The following GRM7 variants were observed in gnomAD, a reference collection of about 807,000 sequenced individuals.
The protein encoded by GRM7 is glutamate metabotropic receptor 7.
In GRM7, 35 loss-of-function variants were observed where a neutral mutation model predicts 84.5. The observed-to-expected ratio is 0.41, with a 90% confidence interval of 0.32 to 0.55. GRM7 has a LOEUF of 0.55. Ranked by LOEUF, GRM7 falls within the 20% of genes least tolerant of loss-of-function variation. The pLI, the probability that GRM7 is intolerant of heterozygous loss-of-function variation, is 0.19. For synonymous variants in GRM7, 487 were observed against 455.1 expected (o/e 1.07, Z -0.89); for missense variants, 1,003 against 1,194.6 (o/e 0.84, Z 2.36).
intron 2 of GRM7, among the ~76,000 whole-genome samples, chr3:7,235,149 T>C (rs1409186737): frequency 1.3e-5 from 2 of 152,238 alleles, no homozygotes; most frequent in Non-Finnish European, 2.9e-5. Context: ...GTTACCTTAC[T>C]AGTTACTACC....
intron 4 of GRM7, among the ~76,000 whole-genome samples, chr3:7,382,873 C>T (rs1192020217): frequency 6.6e-6 from 1 of 152,192 alleles, no homozygotes; most frequent in Non-Finnish European, 1.5e-5. Context: ...AGGCTCTGGA[C>T]TTTGGAACAG....
chr3:6,902,800 A>G (rs1372298995), intron 1 of GRM7, among the ~76,000 whole-genome samples: 2 of 151,722 alleles, frequency 1.3e-5, no homozygotes, highest in African/African-American at 2.4e-5. Context: ...GTAGTAAGGT[A>G]TAGTATGTAC....
At chr3:7,419,162 G>T (rs1279080813) in intron 5 of GRM7, among the ~76,000 whole-genome samples, 1 of 152,100 alleles carries the variant, frequency 6.6e-6, no homozygotes, top group Non-Finnish European at 1.5e-5. Context: ...GTATAGACAA[G>T]AATTTTTACT....
intron 1 of GRM7, among the ~76,000 whole-genome samples, chr3:6,975,640 G>C (rs1156875880): frequency 6.6e-6 from 1 of 152,026 alleles, no homozygotes; most frequent in Non-Finnish European, 1.5e-5. Context: ...TTTTATATGT[G>C]CTTACGATGC....
intron 2 of GRM7, among the ~76,000 whole-genome samples, chr3:7,249,158 A>G (rs1039264652): frequency 1.3e-5 from 2 of 152,100 alleles, no homozygotes; most frequent in Admixed American, 1.3e-4. Flanking sequence ...TAAAACTTCC[A>G]TGGTTTTCTT....
Position 7,569,783 on chromosome 3 carries a change from G to A in GRM7, c.1516-8639G>A, listed in dbSNP as rs151029660. Among the ~76,000 whole-genome samples, 319 of 152,156 alleles carry A rather than the reference G, an allele frequency of 2.1e-3. 1 individual carries two copies. The highest frequency in any genetic ancestry group is 7.5e-3 in the African/African-American group (311 of 41,504). On this transcript the variant is annotated intron_variant, in intron 7 of 9. Transcript: ENST00000357716. ...AAGAGCTGTAACACTCACCGCGAAG[G>A]TCCGCAGCTTCACTCCTGAGCCCGT...
rs767457659 is a variant in GRM7, at chr3:7,461,557, T to C, written c.1376-26T>C. 3.8e-5 allele frequency: 61 copies of C among 1,593,998 alleles called. No homozygotes were observed. The Admixed American group carries it at 1.0e-3, about 27-fold the overall frequency. ...TAAGGAATCTTGTTTAACTTTAGAA[T>C]CTTTCATTTTTTCTGTCTTCCTTAG... is the stretch of plus-strand genomic sequence containing the variant. On this transcript the variant is annotated intron_variant, in intron 6 of 9. Coordinates refer to ENST00000357716, the MANE Select transcript of GRM7 (RefSeq NM_000844.4).
At chr3:7,726,346 C>T (rs1235519834) in intron 9 of GRM7, among the ~76,000 whole-genome samples, 1 of 151,774 alleles carries the variant, frequency 6.6e-6, no homozygotes, top group Non-Finnish European at 1.5e-5. Flanking sequence ...TGTCATCTAC[C>T]TATATCTTGT....
At chr3:6,967,902 G>A (rs982610659) in intron 1 of GRM7, among the ~76,000 whole-genome samples, 2 of 152,138 alleles carry the variant, frequency 1.3e-5, no homozygotes, top group Non-Finnish European at 2.9e-5. Flanking sequence ...GAGAGGAGGA[G>A]GGCAAGGAGA....
At chr3:7,677,275 A>AAAC (rs1700169115) in intron 8 of GRM7, among the ~76,000 whole-genome samples, 1 of 101,378 alleles carries the variant, frequency 9.9e-6, no homozygotes, top group African/African-American at 6.7e-5. Context: ...AAAAAAAAAA[A>AAAC]AAAAAAAAAA....
chr3:7,023,162 T>C (rs1047360803), intron 1 of GRM7, among the ~76,000 whole-genome samples: 5 of 152,138 alleles, frequency 3.3e-5, no homozygotes, highest in African/African-American at 1.2e-4. Context: ...CTCAGAAAAA[T>C]AAATGAAAAG....
intron 1 of GRM7, among the ~76,000 whole-genome samples, chr3:6,900,000 A>G (rs1696327996): frequency 6.6e-6 from 1 of 152,198 alleles, no homozygotes; most frequent in Non-Finnish European, 1.5e-5. Context: ...GAAAAAGGCA[A>G]AACAAAATAA....
At chr3:7,345,205 C>T (rs1456939453) in intron 4 of GRM7, among the ~76,000 whole-genome samples, 1 of 151,838 alleles carries the variant, frequency 6.6e-6, no homozygotes, top group East Asian at 1.9e-4. Context: ...TCTGAACTCA[C>T]ATTATATGGG....
chr3:6,897,673 T>C (rs1676924629), intron 1 of GRM7, among the ~76,000 whole-genome samples: 1 of 152,190 alleles, frequency 6.6e-6, no homozygotes, highest in African/African-American at 2.4e-5. Context: ...TGAAGACACA[T>C]TTCACATAAA....
At chr3:6,879,415 T>C (rs1420833782) in intron 1 of GRM7, among the ~76,000 whole-genome samples, 2 of 152,198 alleles carry the variant, frequency 1.3e-5, no homozygotes, top group Non-Finnish European at 2.9e-5. Context: ...ACATTTGAAA[T>C]TTATTCTCTT....
At chr3:7,422,888 A>G (rs2124831269) in intron 5 of GRM7, among the ~76,000 whole-genome samples, 1 of 152,298 alleles carries the variant, frequency 6.6e-6, no homozygotes, top group African/African-American at 2.4e-5. Flanking sequence ...TGATATATTA[A>G]TATGTTAGAA....
At chr3:7,029,740 C>G (rs866901419) in intron 1 of GRM7, among the ~76,000 whole-genome samples, 7 of 152,236 alleles carry the variant, frequency 4.6e-5, no homozygotes, top group South Asian at 4.1e-4. Context: ...TTAATGAGCA[C>G]AGCATTTCAG....
At chr3:7,300,947 G>A (rs189431827) in intron 3 of GRM7, among the ~76,000 whole-genome samples, 21 of 152,226 alleles carry the variant, frequency 1.4e-4, no homozygotes, top group African/African-American at 3.9e-4. Flanking sequence ...AATAAATGGC[G>A]TTGAACAAGT....
At chr3:7,450,850 G>T (rs190746029) in intron 5 of GRM7, among the ~76,000 whole-genome samples, 1 of 152,166 alleles carries the variant, frequency 6.6e-6, no homozygotes, top group East Asian at 1.9e-4. Flanking sequence ...TATTAATGGT[G>T]CTCTGAAATG....
Sources: gnomAD v4.1 joint callset for allele counts (sites outside exome capture counted in the v4.1 genomes callset) on GRCh38, gnomAD v4.1.1 for gene constraint, MANE v1.5 for transcripts, NCBI Gene and HGNC (gene_info 2026-07-23, HGNC 2026-07-21) for gene names.